HACD1: variants seen among roughly 807,000 people sequenced by gnomAD.
HACD1 encodes very-long-chain (3R)-3-hydroxyacyl-CoA dehydratase 1.
A neutral mutation model predicts 32.0 loss-of-function variants in HACD1; 41 were observed. The ratio of observed to expected loss-of-function variants is 1.28; its 90% CI spans 1.00 to 1.66. The LOEUF (loss-of-function observed/expected upper bound fraction) is 1.66, where lower values mean the gene tolerates loss of function less well. Ranked by LOEUF, HACD1 falls within the 40% of genes most tolerant of loss-of-function variation. The pLI is 0.00. For synonymous variants in HACD1, 142 were observed against 139.0 expected (o/e 1.02, Z -0.15); for missense variants, 396 against 380.1 (o/e 1.04, Z -0.35).
intron 1 of HACD1, among the ~76,000 whole-genome samples, chr10:17,606,129 G>C (rs1388725922): frequency 1.3e-5 from 2 of 152,126 alleles, no homozygotes; most frequent in East Asian, 3.9e-4. Flanking sequence ...AGCTATGTTT[G>C]TGCCACTGCA....
At chr10:17,601,004 C>T (rs1287878333) in intron 4 of HACD1, among the ~76,000 whole-genome samples, 3 of 151,904 alleles carry the variant, frequency 2.0e-5, no homozygotes, top group African/African-American at 7.2e-5. Flanking sequence ...TTCCCAACAG[C>T]CAGTACACTG....
rs373398325 is a variant in HACD1, at chr10:17,603,910, C to G, written c.375+20G>C. On this transcript the variant is annotated intron_variant, in intron 2 of 6. Transcript: ENST00000361271. ...CATAAATATTACAGCAATAGAAAAA[C>G]AGCATGATGGAAAACTTACCTCAAG... is the stretch of plus-strand genomic sequence containing the variant. 3.2e-5 allele frequency: 49 copies of G among 1,552,810 alleles called. No individual in the cohort carries two copies. In the East Asian group the frequency reaches 1.1e-3, roughly 34 times the overall value.
In HACD1 at chr10:17,594,492, T is replaced by C. The variant is rs1350145249; in HGVS notation, c.606-109A>G. The C allele has an allele frequency of 1.7e-5, 14 of 814,046 alleles. 1 individual carries two copies. The highest frequency in any genetic ancestry group is 8.0e-4 in the Middle Eastern group (2 of 2,504). 50.4% of individuals were successfully genotyped at this position (814,046 alleles called of 1,614,324 possible). On this transcript the variant is annotated intron_variant, in intron 5 of 6. Transcript: ENST00000361271. ...TTAAACTTCAAAATTCTCTTTTCTT[T>C]ACATATTTACAATAACCTTACGTAA...
intron 5 of HACD1, among the ~76,000 whole-genome samples, chr10:17,598,494 A>G (rs1834025250): frequency 6.6e-6 from 1 of 152,108 alleles, no homozygotes; most frequent in African/African-American, 2.4e-5. Context: ...CATATCACAT[A>G]TTATTAGTTT....
In HACD1 at chr10:17,609,366, A is replaced by G. The variant is rs148154049; in HGVS notation, c.258-5319T>C. Among the ~76,000 whole-genome samples the G allele has an allele frequency of 4.6e-3, 693 of 151,912 alleles. 3 individuals carry two copies. Among genetic ancestry groups the G allele is most frequent in the African/African-American group, 0.015 (634 of 41,416 alleles). ...AATGGGGTTTCACCGTGTTAGCCAG[A>G]ATGGTCTCGATCTCCTGACCTCATG... On this transcript the variant is annotated intron_variant, in intron 1 of 6. Coordinates refer to ENST00000361271, the MANE Select transcript of HACD1 (RefSeq NM_014241.4).
rs1554818168 is a variant in HACD1 at position 17,617,096 on chromosome 10, C to T, written c.244G>A (p.Ala82Thr). Residue 82 changes from alanine to threonine, a missense_variant, in exon 1 of 7, where the codon GCC (alanine) becomes ACC (threonine). Physicochemically the swap from Ala to Thr is moderately conservative, Grantham distance 58. Transcript: ENST00000361271. ...CGGCGCGCGTACCCCGCGGTCATGGCGATGTCGTAGAAGGTGAGCCAGGCG... is the reference window on the plus strand; with the variant it reads ...CGGCGCGCGTACCCCGCGGTCATGGTGATGTCGTAGAAGGTGAGCCAGGCG... Reference protein sequence around the residue: ...ATAWLTFYDIAMTAGWLVLAI... With the variant: ...ATAWLTFYDITMTAGWLVLAI... 2 of 1,494,586 alleles carry T rather than the reference C, an allele frequency of 1.3e-6. No individual in the cohort carries two copies. Among genetic ancestry groups the T allele is most frequent in the East Asian group, 2.9e-5 (1 of 34,266 alleles). The allele number at this position is 1,494,586 out of a possible 1,614,324, so 92.6% of individuals were successfully genotyped here.
rs527337709 is a variant in HACD1, at chr10:17,590,025, T to C, written c.*339A>G. The C allele has an allele frequency of 4.4e-5, 7 of 159,906 alleles. No homozygotes were observed. The East Asian group carries it at 1.2e-3, about 28-fold the overall frequency. 9.9% of individuals were successfully genotyped at this position (159,906 alleles called of 1,614,324 possible). ...TAAATATCACTAGCAGGTATAATAG[T>C]AAATCGTTAAACTAATTTCTAAATA... On this transcript the variant is annotated 3_prime_UTR_variant, in exon 7 of 7. Transcript: ENST00000361271.
At chr10:17,609,217 C>T (rs1368789719) in intron 1 of HACD1, among the ~76,000 whole-genome samples, 1 of 148,998 alleles carries the variant, frequency 6.7e-6, no homozygotes, top group East Asian at 2.0e-4. Context: ...TGCAGTGGCG[C>T]GATCTCGGCT....
At chr10:17,593,938 AT>A (rs1833961223) in intron 6 of HACD1, among the ~76,000 whole-genome samples, 1 of 152,226 alleles carries the variant, frequency 6.6e-6, no homozygotes, top group South Asian at 2.1e-4. Flanking sequence ...CTTTAAAAAA[AT>A]CATACTAAGC....
intron 4 of HACD1, among the ~76,000 whole-genome samples, chr10:17,602,735 C>A (rs564693258): frequency 3.9e-5 from 6 of 152,082 alleles, no homozygotes; most frequent in Non-Finnish European, 8.8e-5. Flanking sequence ...ATAGTCACTA[C>A]GTTGCATAAT....
chr10:17,616,967 ACGGC>A (rs1327112377), intron 1 of HACD1, 112 bp downstream of exon 1: 7 of 1,093,686 alleles, frequency 6.4e-6, no homozygotes, highest in Non-Finnish European at 8.0e-6. Context: ...CCCTTCCCCC[ACGGC>A]CGCTGCCCGC....
intron 4 of HACD1, among the ~76,000 whole-genome samples, chr10:17,602,184 C>G (rs568480645): frequency 6.6e-6 from 1 of 152,014 alleles, no homozygotes; most frequent in Non-Finnish European, 1.5e-5. Flanking sequence ...ATTCTCCTGC[C>G]TCAGCCTCCC....
intron 4 of HACD1, among the ~76,000 whole-genome samples, chr10:17,600,585 C>A (rs1834055917): frequency 6.6e-6 from 1 of 152,104 alleles, no homozygotes; most frequent in Non-Finnish European, 1.5e-5. Flanking sequence ...CTCAGCCTCC[C>A]AAAGTGCTAG....
At chr10:17,616,096 G>C (rs1297396532) in intron 1 of HACD1, 1 of 158,496 alleles carries the variant, frequency 6.3e-6, no homozygotes, top group Non-Finnish European at 1.4e-5. Context: ...GTGAAACCCC[G>C]TCTCTACTAA....
chr10:17,611,542 T>C (rs1411176014), intron 1 of HACD1, among the ~76,000 whole-genome samples: 1 of 152,254 alleles, frequency 6.6e-6, no homozygotes, highest in Non-Finnish European at 1.5e-5. Flanking sequence ...TTACCCTGCT[T>C]CAAGGACAGG....
chr10:17,607,393 G>A (rs782313840), intron 1 of HACD1, among the ~76,000 whole-genome samples: 4 of 152,054 alleles, frequency 2.6e-5, no homozygotes, highest in Non-Finnish European at 5.9e-5. Context: ...CATGCTTTAG[G>A]TACCTTCCAC....
At chr10:17,597,448 A>G (rs551820685) in intron 5 of HACD1, among the ~76,000 whole-genome samples, 2 of 152,318 alleles carry the variant, frequency 1.3e-5, no homozygotes, top group African/African-American at 4.8e-5. Flanking sequence ...TGCAATGGAT[A>G]AACACTTTCT....
intron 6 of HACD1, 40 bp downstream of exon 6, chr10:17,594,165 A>C (rs372732588): frequency 2.3e-4 from 297 of 1,307,174 alleles, no homozygotes; most frequent in Non-Finnish European, 1.9e-4. Context: ...AAATTTCCAC[A>C]TCATATGTCA....
chr10:17,606,241 T>C (rs1473803560), intron 1 of HACD1, among the ~76,000 whole-genome samples: 5 of 152,348 alleles, frequency 3.3e-5, no homozygotes, highest in South Asian at 2.1e-4. Context: ...TAAACTTACG[T>C]TTGCATATAA....
Sources: allele counts gnomAD v4.1 joint callset (sites outside exome capture counted in the v4.1 genomes callset), GRCh38; gene constraint gnomAD v4.1.1; transcripts MANE v1.5; gene names NCBI Gene and HGNC (gene_info 2026-07-23, HGNC 2026-07-21).